Variants in CYYR1 observed in about 807,000 individuals in gnomAD.
CYYR1 encodes the protein cysteine and tyrosine-rich protein 1.
In CYYR1, 14 loss-of-function variants were observed where a neutral mutation model predicts 15.2. The observed-to-expected ratio is 0.92, with a 90% confidence interval of 0.61 to 1.44. The LOEUF is 1.44. CYYR1 is among the 40% of genes most tolerant of loss of function. The pLI is 0.00. For synonymous variants in CYYR1, 80 were observed against 77.4 expected (o/e 1.03, Z -0.18); for missense variants, 228 against 209.5 (o/e 1.09, Z -0.54).
At chr21:26,473,368 C>G (rs1442282092) in intron 3 of CYYR1, among the ~76,000 whole-genome samples, 2 of 152,138 alleles carry the variant, frequency 1.3e-5, no homozygotes, top group South Asian at 4.2e-4. Context: ...TCAATACTGC[C>G]CATTTATCCT....
intron 2 of CYYR1, among the ~76,000 whole-genome samples, chr21:26,511,175 A>G (rs1229206068): frequency 1.3e-5 from 2 of 152,252 alleles, no homozygotes; most frequent in Admixed American, 1.3e-4. Context: ...TATTTGCCTC[A>G]GTAGACACTT....
At chr21:26,545,846 G>C (rs1174055693) in intron 2 of CYYR1, among the ~76,000 whole-genome samples, 1 of 151,932 alleles carries the variant, frequency 6.6e-6, no homozygotes, top group Non-Finnish European at 1.5e-5. Flanking sequence ...GCCTCCCAAA[G>C]TGCTGAGATT....
chr21:26,472,899 T>C (rs943715964), intron 3 of CYYR1, among the ~76,000 whole-genome samples: 1 of 152,160 alleles, frequency 6.6e-6, no homozygotes, highest in South Asian at 2.1e-4. Flanking sequence ...CCCATTTAAA[T>C]TTATGTATTT....
At chr21:26,488,303 G>A (rs1045650199) in intron 2 of CYYR1, among the ~76,000 whole-genome samples, 6 of 147,806 alleles carry the variant, frequency 4.1e-5, no homozygotes, top group African/African-American at 1.3e-4. Context: ...GTCTAACTGC[G>A]TCACCCAGGC....
intron 3 of CYYR1, among the ~76,000 whole-genome samples, chr21:26,478,621 C>T (rs1418945204): frequency 2.0e-5 from 3 of 152,100 alleles, no homozygotes; most frequent in African/African-American, 4.8e-5. Context: ...AGATTCTGAG[C>T]ACAGGAGTAA....
intron 2 of CYYR1, among the ~76,000 whole-genome samples, chr21:26,538,171 T>C (rs536265485): frequency 6.6e-6 from 1 of 152,246 alleles, no homozygotes; most frequent in East Asian, 1.9e-4. Context: ...TTCCAACAAC[T>C]TGTCACTGCA....
chr21:26,520,437 C>G (rs1471457894), intron 2 of CYYR1, among the ~76,000 whole-genome samples: 3 of 151,972 alleles, frequency 2.0e-5, no homozygotes, highest in Non-Finnish European at 4.4e-5. Context: ...GCATAGTATT[C>G]CATGGTGTAT....
At chr21:26,472,697 T>C (rs1417967048) in intron 3 of CYYR1, among the ~76,000 whole-genome samples, 1 of 152,128 alleles carries the variant, frequency 6.6e-6, no homozygotes, top group Non-Finnish European at 1.5e-5. Flanking sequence ...CAAAATTATA[T>C]ATCTTTTAAT....
chr21:26,479,496 T>C (rs2065144958), intron 3 of CYYR1, among the ~76,000 whole-genome samples: 1 of 152,146 alleles, frequency 6.6e-6, no homozygotes, highest in Admixed American at 6.6e-5. Flanking sequence ...TATGTCAAAT[T>C]GTACATGCAC....
Position 26,572,849 on chromosome 21 carries a change from G to A in CYYR1, c.73+19C>T. ...CAGCCCCGAGCCTCTGACCCTCTCC[G>A]CCGCCCTCCGTCACTGACCTGCGTA... On this transcript the variant is annotated intron_variant, in intron 1 of 3. Transcript: ENST00000652641. The A allele has an allele frequency of 6.2e-7, 1 of 1,612,710 alleles. No homozygotes were observed. Among genetic ancestry groups the A allele is most frequent in the African/African-American group, 1.3e-5 (1 of 74,828 alleles).
chr21:26,495,401 G>T (rs1169306194), intron 2 of CYYR1, among the ~76,000 whole-genome samples: 1 of 152,196 alleles, frequency 6.6e-6, no homozygotes, highest in Non-Finnish European at 1.5e-5. Flanking sequence ...TCTCAGAAGG[G>T]CCATGTGACT....
chr21:26,474,110 G>A lies in CYYR1; in HGVS notation c.335-5476C>T, dbSNP rs111560747. ...TGCCCAGGCTGGAGTGCAATGGCGC[G>A]ATCTTGCCTCACTGTAAACTCCACC... On this transcript the variant is annotated intron_variant, in intron 3 of 3. Coordinates refer to ENST00000652641, the MANE Select transcript of CYYR1 (RefSeq NM_001320768.2). Among the ~76,000 whole-genome samples, 77 of 146,272 alleles carry A rather than the reference G, an allele frequency of 5.3e-4. 2 individuals are homozygous for A. In the East Asian group the frequency reaches 0.015, roughly 28 times the overall value.
chr21:26,478,016 T>C (rs1293177198), intron 3 of CYYR1: 1 of 1,541,836 alleles, frequency 6.5e-7, no homozygotes, highest in Admixed American at 2.0e-5. Context: ...GGTCTTTTCA[T>C]GAGTTGTGTT....
intron 1 of CYYR1, chr21:26,568,825 A>G (rs573893019): frequency 6.6e-6 from 1 of 152,366 alleles, no homozygotes; most frequent in Non-Finnish European, 1.5e-5. Context: ...TCAAAAGAAG[A>G]CATACAAGCA....
intron 2 of CYYR1, among the ~76,000 whole-genome samples, chr21:26,537,563 A>T (rs1473658666): frequency 1.3e-5 from 2 of 152,142 alleles, no homozygotes; most frequent in African/African-American, 4.8e-5. Flanking sequence ...AGAAGAGCAC[A>T]CGCCAAATAA....
At chr21:26,569,993 G>A (rs1270776575) in intron 1 of CYYR1, among the ~76,000 whole-genome samples, 1 of 152,146 alleles carries the variant, frequency 6.6e-6, no homozygotes, top group Non-Finnish European at 1.5e-5. Context: ...CAAAAGGGGA[G>A]ATTTAACAGA....
At chr21:26,499,258 A>G (rs2065448267) in intron 2 of CYYR1, among the ~76,000 whole-genome samples, 1 of 152,190 alleles carries the variant, frequency 6.6e-6, no homozygotes, top group Non-Finnish European at 1.5e-5. Context: ...TACAACGATG[A>G]GTATTTTTAT....
intron 2 of CYYR1, among the ~76,000 whole-genome samples, chr21:26,501,421 T>C (rs1474119349): frequency 3.9e-5 from 6 of 152,198 alleles, no homozygotes; most frequent in Non-Finnish European, 7.3e-5. Context: ...AAATTTAAGA[T>C]AGACAAATCA....
chr21:26,562,001 T>C (rs1980236565), intron 2 of CYYR1, among the ~76,000 whole-genome samples: 1 of 152,224 alleles, frequency 6.6e-6, no homozygotes. Flanking sequence ...TTCTGGGGAA[T>C]GCCAATTAAA....
Sources: allele counts gnomAD v4.1 joint callset (sites outside exome capture counted in the v4.1 genomes callset), GRCh38; gene constraint gnomAD v4.1.1; transcripts MANE v1.5; gene names NCBI Gene and HGNC (gene_info 2026-07-23, HGNC 2026-07-21).